DENND5B: variants seen among roughly 807,000 people sequenced by gnomAD.
DENND5B encodes DENN domain-containing protein 5B.
Under a neutral mutation model 140.6 loss-of-function variants are expected in DENND5B, and 34 were observed. That is an observed-to-expected ratio of 0.24 (90% CI 0.18 to 0.32). DENND5B has a LOEUF of 0.32. Among genes scored for constraint, DENND5B ranks in the 10% least tolerant of loss-of-function variants. DENND5B has a pLI of 1.00. For missense variants in DENND5B, 1,142 were observed against 1,560.2 expected (o/e 0.73, Z 4.52); for synonymous variants, 551 against 562.1 (o/e 0.98, Z 0.28).
intron 1 of DENND5B, among the ~76,000 whole-genome samples, chr12:31,576,728 A>T (rs1565712436): frequency 1.3e-5 from 2 of 151,652 alleles, no homozygotes; most frequent in African/African-American, 4.8e-5. Context: ...ACAAAAAAAA[A>T]ATGTTTTTTT....
chr12:31,500,397 T>C (rs1367354775), intron 1 of DENND5B: 1 of 453,878 alleles, frequency 2.2e-6, no homozygotes, highest in Non-Finnish European at 4.4e-6. Context: ...AATTACATCC[T>C]GGCTGGGCAT....
chr12:31,545,191 A>G (rs528469457), intron 1 of DENND5B, among the ~76,000 whole-genome samples: 11 of 152,254 alleles, frequency 7.2e-5, no homozygotes, highest in African/African-American at 2.2e-4. Context: ...AGATGATGTT[A>G]GCAGCATGTT....
chr12:31,504,704 G>C (rs1289682814), intron 1 of DENND5B, among the ~76,000 whole-genome samples: 1 of 152,092 alleles, frequency 6.6e-6, no homozygotes, highest in African/African-American at 2.4e-5. Flanking sequence ...ACAAAACAAA[G>C]CTAAGTCTCA....
At chr12:31,568,208 T>C (rs1949696606) in intron 1 of DENND5B, among the ~76,000 whole-genome samples, 1 of 152,234 alleles carries the variant, frequency 6.6e-6, no homozygotes, top group Non-Finnish European at 1.5e-5. Context: ...TAAAATTACC[T>C]TCAGGCTACA....
At chr12:31,465,904 A>G (rs73082491) in intron 3 of DENND5B, 12,045 of 152,878 alleles carry the variant, frequency 0.079, 689 homozygotes, top group Non-Finnish European at 0.12. Flanking sequence ...ACACCACCTA[A>G]GCCACCCAAC....
intron 1 of DENND5B, among the ~76,000 whole-genome samples, chr12:31,529,851 A>G (rs1032307052): frequency 6.6e-6 from 1 of 152,204 alleles, no homozygotes; most frequent in South Asian, 2.1e-4. Context: ...TATAATTGCC[A>G]TATGAATAGC....
chr12:31,396,061 T>C (rs1197690768), intron 17 of DENND5B, among the ~76,000 whole-genome samples: 1 of 52,572 alleles, frequency 1.9e-5, no homozygotes, highest in African/African-American at 5.4e-5. Flanking sequence ...TCCTTGTTTT[T>C]TTTTTTTTTT....
chr12:31,507,116 T>C (rs1434434782), intron 1 of DENND5B, among the ~76,000 whole-genome samples: 1 of 152,038 alleles, frequency 6.6e-6, no homozygotes, highest in Non-Finnish European at 1.5e-5. Context: ...AACATTCCCG[T>C]CGTCACTCAG....
At chr12:31,557,779 C>CTAT (rs1383355250) in intron 1 of DENND5B, among the ~76,000 whole-genome samples, 1 of 141,306 alleles carries the variant, frequency 7.1e-6, no homozygotes, top group East Asian at 2.1e-4. Flanking sequence ...AATATACAAC[C>CTAT]TATTAAAACC....
rs1429477918 is a variant in DENND5B at position 31,590,774 on chromosome 12, C to T, written c.59G>A (p.Arg20His). ...PGSGSSPAACRFAHYFVLCGI... is the reference protein window; with the variant it reads ...PGSGSSPAACHFAHYFVLCGI... ...GCACAGCACGAAGTAGTGCGCGAAG[C>T]GGCAGGCGGCCGGGGAGGAGCCCGA... The change falls in exon 1 of 21, where the codon CGC (arginine) becomes CAC (histidine). Residue 20 changes from arginine (R) to histidine (H), a missense_variant. Physicochemically the swap from Arg to His is conservative, Grantham distance 29. This residue lies in a region of DENND5B where 708 missense variants were observed against 905.5 expected (regional missense o/e 0.78). Transcript: ENST00000389082. The T allele has an allele frequency of 1.9e-5, 27 of 1,384,950 alleles. No individual in the cohort carries two copies. Among genetic ancestry groups the T allele is most frequent in the Non-Finnish European group, 2.5e-5 (27 of 1,068,278 alleles). The allele number at this position is 1,384,950 out of a possible 1,614,324, so 85.8% of individuals were successfully genotyped here. A position where few individuals can be genotyped will look rare whatever the true frequency, so the allele number is the denominator to read the frequency against.
chr12:31,493,007 T>C (rs1946594372), intron 2 of DENND5B, among the ~76,000 whole-genome samples: 1 of 152,222 alleles, frequency 6.6e-6, no homozygotes, highest in African/African-American at 2.4e-5. Flanking sequence ...TCCTTACAAA[T>C]AGCACCATGC....
intron 11 of DENND5B, among the ~76,000 whole-genome samples, chr12:31,422,262 CCAAAAA>C (rs1565563397): frequency 1.4e-5 from 2 of 138,680 alleles, no homozygotes; most frequent in Non-Finnish European, 3.2e-5. Context: ...TACTAAAAAT[CCAAAAA>C]AAAAAAAAAA....
At position 31,464,858 on chromosome 12, in the gene DENND5B, C is replaced by T. The variant is rs542161853; in HGVS notation, c.905-4477G>A. ...GAGATTACAGGCATGAGCCACTGTGCCTGGACATATCTGTATTTCTAATCT... is the reference window on the plus strand; with the variant it reads ...GAGATTACAGGCATGAGCCACTGTGTCTGGACATATCTGTATTTCTAATCT... On this transcript the variant is annotated intron_variant, in intron 3 of 20. Coordinates refer to ENST00000389082, the MANE Select transcript of DENND5B (RefSeq NM_144973.4). 1.3e-3 allele frequency among the ~76,000 whole-genome samples: 202 copies of T among 152,214 alleles called. 4 individuals carry two copies. In the South Asian group the frequency reaches 0.04, roughly 30 times the overall value.
At chr12:31,572,215 ACT>A (rs959308220) in intron 1 of DENND5B, among the ~76,000 whole-genome samples, 8 of 149,540 alleles carry the variant, frequency 5.3e-5, no homozygotes, top group African/African-American at 2.0e-4. Context: ...CAAGAGCGAA[ACT>A]CTGTCTCAAA....
intron 1 of DENND5B, among the ~76,000 whole-genome samples, chr12:31,571,980 T>A (rs1396960401): frequency 6.6e-6 from 1 of 152,136 alleles, no homozygotes; most frequent in Non-Finnish European, 1.5e-5. Context: ...ATCTCAGCAC[T>A]TTGGGAGGCC....
Position 31,472,943 on chromosome 12 carries a change from C to CT in DENND5B, c.904+6645dup, listed in dbSNP as rs200002524. On this transcript the variant is annotated intron_variant, in intron 3 of 20. Transcript: ENST00000389082. ...TTGCACCAAAATCTTCTAGTGAAGT[C>CT]TTTTTAAAAAAAAAAAGATAGGGTC... Among the ~76,000 whole-genome samples, 816 of 146,016 alleles carry CT rather than the reference C, an allele frequency of 5.6e-3. 5 individuals are homozygous for CT. The highest frequency in any genetic ancestry group is 0.021 in the Middle Eastern group (6 of 284).
At chr12:31,453,483 T>C (rs910824936) in intron 4 of DENND5B, among the ~76,000 whole-genome samples, 10 of 152,232 alleles carry the variant, frequency 6.6e-5, no homozygotes, top group Non-Finnish European at 1.3e-4. Flanking sequence ...CTACTGTCCA[T>C]ACTCTCTTAA....
chr12:31,440,417 A>G (rs1943980548), intron 7 of DENND5B, among the ~76,000 whole-genome samples: 1 of 152,234 alleles, frequency 6.6e-6, no homozygotes, highest in African/African-American at 2.4e-5. Context: ...GAAACCCTGC[A>G]AACTAAGGCA....
chr12:31,418,790 G>A (rs914034855), intron 11 of DENND5B, among the ~76,000 whole-genome samples: 1 of 151,824 alleles, frequency 6.6e-6, no homozygotes, highest in Non-Finnish European at 1.5e-5. Flanking sequence ...TCTTAAACTA[G>A]AGAACAAGTG....
Sources: allele counts gnomAD v4.1 joint callset (sites outside exome capture counted in the v4.1 genomes callset), GRCh38; gene constraint gnomAD v4.1.1; regional missense constraint gnomAD v4.1.1; transcripts MANE v1.5; gene names NCBI Gene and HGNC (gene_info 2026-07-23, HGNC 2026-07-21).